The following TPST1 variants were observed in gnomAD, a reference collection of about 807,000 sequenced individuals.
TPST1 encodes protein-tyrosine sulfotransferase 1.
A neutral mutation model predicts 34.8 loss-of-function variants in TPST1; 20 were observed. The ratio of observed to expected loss-of-function variants is 0.57; its 90% CI spans 0.40 to 0.84. TPST1 has a LOEUF of 0.84. TPST1 is among the 40% of genes least tolerant of loss of function. The probability of loss-of-function intolerance (pLI) is 0.00; values close to 1 mark genes in which losing one functional copy is unlikely to be tolerated. For synonymous variants in TPST1, 152 were observed against 159.4 expected (o/e 0.95, Z 0.35); for missense variants, 353 against 455.5 (o/e 0.78, Z 2.05).
At position 66,243,749 on chromosome 7, in the gene TPST1, G is replaced by T. The variant is rs146961177; in HGVS notation, c.845+2479G>T. Among the ~76,000 whole-genome samples the T allele has an allele frequency of 3.2e-4, 48 of 150,844 alleles. No individual in the cohort carries two copies. The East Asian group carries it at 9.3e-3, about 29-fold the overall frequency. On this transcript the variant is annotated intron_variant, in intron 2 of 5. Coordinates refer to ENST00000304842, the MANE Select transcript of TPST1 (RefSeq NM_003596.4). ...AGGTGTGAGCCACTATGCCTGGCCAGCCATACTTCTTTTTTAAAGATTGAA... is the reference window on the plus strand; with the variant it reads ...AGGTGTGAGCCACTATGCCTGGCCATCCATACTTCTTTTTTAAAGATTGAA...
At chr7:66,220,670 G>T (rs557044858) in intron 1 of TPST1, among the ~76,000 whole-genome samples, 1 of 151,878 alleles carries the variant, frequency 6.6e-6, no homozygotes, top group Non-Finnish European at 1.5e-5. Flanking sequence ...GTGAGTGTGT[G>T]GGGGTGGTGG....
chr7:66,304,236 T>C (rs906013085), intron 3 of TPST1, among the ~76,000 whole-genome samples: 1 of 152,188 alleles, frequency 6.6e-6, no homozygotes, highest in Non-Finnish European at 1.5e-5. Context: ...CACTGATGAC[T>C]GAAACCTGCA....
At chr7:66,208,476 G>GTT (rs200870708) in intron 1 of TPST1, among the ~76,000 whole-genome samples, 4 of 148,632 alleles carry the variant, frequency 2.7e-5, no homozygotes, top group Admixed American at 6.7e-5. Context: ...ACCATTTTTA[G>GTT]TTTTTTTTTT....
chr7:66,274,171 A>G (rs1262857064), intron 2 of TPST1, among the ~76,000 whole-genome samples: 1 of 151,816 alleles, frequency 6.6e-6, no homozygotes, highest in Non-Finnish European at 1.5e-5. Context: ...GATCGAGACC[A>G]TCCTGGCTAA....
chr7:66,254,651 G>A (rs912050564), intron 2 of TPST1, among the ~76,000 whole-genome samples: 4 of 152,132 alleles, frequency 2.6e-5, no homozygotes, highest in Non-Finnish European at 4.4e-5. Flanking sequence ...TGATGCACTC[G>A]CCTCAGCCTC....
intron 2 of TPST1, among the ~76,000 whole-genome samples, chr7:66,251,880 A>G (rs80017234): frequency 0.015 from 2,216 of 152,026 alleles, 60 homozygotes; most frequent in East Asian, 0.093. Flanking sequence ...AATTGCCAAA[A>G]TACTATTCTC....
At chr7:66,339,186 C>T (rs1008290851) in intron 3 of TPST1, among the ~76,000 whole-genome samples, 2 of 151,542 alleles carry the variant, frequency 1.3e-5, no homozygotes, top group African/African-American at 2.4e-5. Flanking sequence ...GTGATACCAC[C>T]GATATACAAA....
intron 3 of TPST1, among the ~76,000 whole-genome samples, chr7:66,338,930 C>CT (rs1792176753): frequency 6.6e-6 from 1 of 151,958 alleles, no homozygotes; most frequent in Admixed American, 6.6e-5. Flanking sequence ...ATTTTTTGTT[C>CT]TTTTTTTCTC....
chr7:66,310,852 G>T (rs1387158625), intron 3 of TPST1, among the ~76,000 whole-genome samples: 2 of 147,384 alleles, frequency 1.4e-5, no homozygotes, highest in South Asian at 4.2e-4. Flanking sequence ...ACAGGGTCTC[G>T]CTCTGTTGCC....
intron 2 of TPST1, among the ~76,000 whole-genome samples, chr7:66,273,864 G>A (rs1790752248): frequency 6.6e-6 from 1 of 151,970 alleles, no homozygotes; most frequent in Non-Finnish European, 1.5e-5. Flanking sequence ...GTGCAGTGGT[G>A]TGATCTTGGC....
chr7:66,244,113 T>C (rs995867803), intron 2 of TPST1, among the ~76,000 whole-genome samples: 5 of 151,876 alleles, frequency 3.3e-5, no homozygotes, highest in Non-Finnish European at 7.4e-5. Flanking sequence ...CACGCCCAGC[T>C]AATTTTTTTA....
chr7:66,234,663 TTTTG>T (rs199744147), intron 1 of TPST1, among the ~76,000 whole-genome samples: 45 of 151,940 alleles, frequency 3.0e-4, no homozygotes, highest in Middle Eastern at 3.4e-3. Flanking sequence ...TTCAGGGAAG[TTTTG>T]TTTGTTTGTT....
At chr7:66,261,629 C>CA (rs1554346039) in intron 2 of TPST1, among the ~76,000 whole-genome samples, 1 of 151,310 alleles carries the variant, frequency 6.6e-6, no homozygotes, top group Non-Finnish European at 1.5e-5. Flanking sequence ...TCTGTTTATT[C>CA]TTTTCATATA....
intron 3 of TPST1, among the ~76,000 whole-genome samples, chr7:66,323,589 T>C (rs1282072918): frequency 1.3e-5 from 2 of 152,232 alleles, no homozygotes; most frequent in Non-Finnish European, 2.9e-5. Flanking sequence ...TAAAAACTTT[T>C]GTATTACAAA....
At chr7:66,333,502 G>C (rs1481397621) in intron 3 of TPST1, among the ~76,000 whole-genome samples, 1 of 152,178 alleles carries the variant, frequency 6.6e-6, no homozygotes, top group Non-Finnish European at 1.5e-5. Context: ...CAATCTCTGT[G>C]TCACTCAGGC....
At position 66,286,705 on chromosome 7, in the gene TPST1, G is replaced by A. The variant is rs548789818; in HGVS notation, c.1040G>A (p.Arg347Gln). Residue 347 changes from arginine (R) to glutamine (Q), a missense_variant, in exon 3 of 6, where the codon CGA becomes CAA. Transcript: ENST00000304842. ...GATCCCAAAATTATTGAAAACACTC[G>A]AAGGGTAAGTGAGATTTTTTAAAGC... ...KPDPKIIENT[R>Q]RVYKGEFQLP... 9 of 1,550,256 alleles carry A rather than the reference G, an allele frequency of 5.8e-6. No homozygotes were observed. Among genetic ancestry groups the A allele is most frequent in the African/African-American group, 5.5e-5 (4 of 72,454 alleles).
intron 3 of TPST1, among the ~76,000 whole-genome samples, chr7:66,324,956 T>C (rs1355278608): frequency 2.0e-5 from 3 of 152,228 alleles, no homozygotes; most frequent in South Asian, 2.1e-4. Flanking sequence ...GTCTTGATGT[T>C]GGTGGCTAGA....
intron 3 of TPST1, among the ~76,000 whole-genome samples, chr7:66,339,973 A>G (rs1792202140): frequency 6.6e-6 from 1 of 152,188 alleles, no homozygotes; most frequent in Admixed American, 6.5e-5. Context: ...ATTTCAATAG[A>G]TGCTCAAAAA....
At chr7:66,213,945 A>G (rs1012614737) in intron 1 of TPST1, among the ~76,000 whole-genome samples, 11 of 152,072 alleles carry the variant, frequency 7.2e-5, no homozygotes, top group African/African-American at 2.4e-4. Context: ...TTTAAACTTT[A>G]TGTTTTAGTA....
Sources: allele counts gnomAD v4.1 joint callset (sites outside exome capture counted in the v4.1 genomes callset), GRCh38; gene constraint gnomAD v4.1.1; transcripts MANE v1.5; gene names NCBI Gene and HGNC (gene_info 2026-07-23, HGNC 2026-07-21).